ABCA5: variants seen among roughly 807,000 people sequenced by gnomAD.
The protein encoded by ABCA5 is ATP binding cassette subfamily A member 5, also known as cholesterol transporter ABCA5.
In ABCA5, 163 loss-of-function variants were observed where a neutral mutation model predicts 206.0. The ratio of observed to expected loss-of-function variants is 0.79; its 90% CI spans 0.70 to 0.90. ABCA5 has a LOEUF of 0.90. ABCA5 is among the 40% of genes least tolerant of loss of function. The probability of loss-of-function intolerance (pLI) is 0.00; values close to 1 mark genes in which losing one functional copy is unlikely to be tolerated. For synonymous variants in ABCA5, 609 were observed against 613.8 expected (o/e 0.99, Z 0.11); for missense variants, 1,859 against 1,912.9 (o/e 0.97, Z 0.53).
Position 69,306,757 on chromosome 17 carries a change from TA to T in ABCA5, c.755del (p.Leu252Ter). 6.4e-7 allele frequency: 1 copy of T among 1,554,866 alleles called. No individual in the cohort carries two copies. Among genetic ancestry groups the T allele is most frequent in the African/African-American group, 1.4e-5 (1 of 72,304 alleles). ...AEKEKKIKEF[L>X]KIMGLHDTAF... ...CAGTATCATGAAGTCCCATTATCTT[TA>T]AAAATTCTTTTATTTTTTTTTCTTT... On this transcript the variant is annotated frameshift_variant, in exon 6 of 39. Transcript: ENST00000392676. LOFTEE classifies it high-confidence loss of function.
intron 7 of ABCA5, 48 bp from the exon 8 acceptor site, chr17:69,302,954 T>C (rs571486085): frequency 3.0e-6 from 3 of 1,016,420 alleles, no homozygotes; most frequent in South Asian, 3.4e-5. Context: ...TATATACCAG[T>C]ATGAAAACAA....
intron 35 of ABCA5, 54 bp from the exon 36 acceptor site, chr17:69,250,675 T>A: frequency 7.3e-7 from 1 of 1,362,836 alleles, no homozygotes. Context: ...CTTCAAAGAA[T>A]AATCTCTCAC....
chr17:69,299,393 A>C (rs549685765), intron 9 of ABCA5, among the ~76,000 whole-genome samples: 50 of 152,164 alleles, frequency 3.3e-4, no homozygotes, highest in African/African-American at 1.2e-3. Context: ...ATTAATTCAC[A>C]ATTACAAAAA....
chr17:69,297,732 C>T, intron 9 of ABCA5, among the ~76,000 whole-genome samples: 1 of 152,126 alleles, frequency 6.6e-6, no homozygotes, highest in East Asian at 1.9e-4. Flanking sequence ...ATGGCAAGAA[C>T]ACAACACAGG....
intron 7 of ABCA5, among the ~76,000 whole-genome samples, chr17:69,303,829 T>TATATACATACATATATATAC (rs1567778310): frequency 6.9e-5 from 1 of 14,586 alleles, no homozygotes; most frequent in African/African-American, 1.5e-4. Context: ...TATATATGTA[T>TATATACATACATATATATAC]ATATATATAT....
At chr17:69,249,729 AAAAT>A in intron 37 of ABCA5, 172 bp downstream of exon 37, 1 of 779,086 alleles carries the variant, frequency 1.3e-6, no homozygotes. Flanking sequence ...CATAGTTTCT[AAAAT>A]AAACCGAGTC....
In ABCA5 at chr17:69,247,361, T is replaced by C. The variant is rs977380253; in HGVS notation, c.*176A>G. 3.7e-6 allele frequency: 2 copies of C among 535,834 alleles called. No individual in the cohort carries two copies. The highest frequency in any genetic ancestry group is 2.6e-5 in the South Asian group (1 of 39,070). The allele number at this position is 535,834 out of a possible 1,614,324, so 33.2% of individuals were successfully genotyped here. On this transcript the variant is annotated 3_prime_UTR_variant, in exon 39 of 39. Transcript: ENST00000392676. ...GCAGCTTCACTTAATTATACATACGTTTTATTTAAAGAAAAGCAAAACACA... is the reference window on the plus strand; with the variant it reads ...GCAGCTTCACTTAATTATACATACGCTTTATTTAAAGAAAAGCAAAACACA...
intron 2 of ABCA5, 142 bp downstream of exon 2, chr17:69,314,172 C>T (rs1598207385): frequency 2.5e-6 from 1 of 394,320 alleles, no homozygotes; most frequent in East Asian, 4.0e-5. Context: ...CTGTGGCTAA[C>T]ATGGCAAGCT....
In ABCA5 at chr17:69,261,175, T is replaced by C; in HGVS notation, c.3514A>G (p.Ile1172Val). The C allele has an allele frequency of 1.9e-6, 3 of 1,606,306 alleles. No individual in the cohort carries two copies. The highest frequency in any genetic ancestry group is 2.6e-6 in the Non-Finnish European group (3 of 1,175,810). Reference sequence around the variant, plus strand: ...AGAAGTGGATAGATTGGAATGATGATACAAAAGGCATAATGAAGAATAGTT... The same window carrying C: ...AGAAGTGGATAGATTGGAATGATGACACAAAAGGCATAATGAAGAATAGTT... ...IATILHYAFC[I>V]IIPIYPLLGC... is the part of the protein sequence containing the mutation. The change falls in exon 26 of 39, where the codon ATC becomes GTC. Residue 1172 changes from isoleucine (I) to valine (V), a missense_variant. Physicochemically the swap from Ile to Val is conservative, Grantham distance 29. Transcript: ENST00000392676.
chr17:69,281,713 C>T (rs1477695098), intron 18 of ABCA5, among the ~76,000 whole-genome samples: 2 of 152,184 alleles, frequency 1.3e-5, no homozygotes, highest in Non-Finnish European at 2.9e-5. Flanking sequence ...ATTGTTCCCA[C>T]ACAATAAGGC....
At chr17:69,276,383 A>C (rs2075332499) in intron 19 of ABCA5, among the ~76,000 whole-genome samples, 1 of 152,130 alleles carries the variant, frequency 6.6e-6, no homozygotes, top group Admixed American at 6.6e-5. Flanking sequence ...CACCGAGCCC[A>C]GATGGTATTT....
chr17:69,281,108 T>C (rs911318589), intron 18 of ABCA5, among the ~76,000 whole-genome samples: 2 of 151,698 alleles, frequency 1.3e-5, no homozygotes, highest in South Asian at 4.1e-4. Flanking sequence ...ATTTATTTAA[T>C]GGCAAGAATA....
At chr17:69,313,059 T>C in intron 3 of ABCA5, 33 bp downstream of exon 3, 1 of 1,451,374 alleles carries the variant, frequency 6.9e-7, no homozygotes, top group Non-Finnish European at 9.3e-7. Context: ...GGCTTAATAT[T>C]ATAAACAGAA....
chr17:69,265,062 T>C (rs1226786272), intron 23 of ABCA5, among the ~76,000 whole-genome samples, 157 bp from the exon 24 acceptor site: 4 of 152,094 alleles, frequency 2.6e-5, no homozygotes, highest in African/African-American at 9.7e-5. Flanking sequence ...TCACACTAAA[T>C]ACAAATTCCA....
At chr17:69,305,221 AAAC>A (rs796702225) in intron 6 of ABCA5, among the ~76,000 whole-genome samples, 89 of 152,296 alleles carry the variant, frequency 5.8e-4, no homozygotes, top group African/African-American at 2.1e-3. Flanking sequence ...CTGTAACTAT[AAAC>A]AATAAAGGCT....
intron 5 of ABCA5, among the ~76,000 whole-genome samples, chr17:69,307,545 G>T (rs1228779275): frequency 6.6e-6 from 1 of 151,958 alleles, no homozygotes; most frequent in African/African-American, 2.4e-5. Context: ...ATACAAATAG[G>T]TGATACAACA....
intron 18 of ABCA5, among the ~76,000 whole-genome samples, chr17:69,278,803 G>A (rs562652548): frequency 6.6e-6 from 1 of 152,150 alleles, no homozygotes; most frequent in Non-Finnish European, 1.5e-5. Flanking sequence ...TATCTCAACA[G>A]ATGCAGAAAA....
rs1264754875 is a variant in ABCA5 at position 69,264,841 on chromosome 17, G to T, written c.3209C>A (p.Ala1070Asp). The T allele has an allele frequency of 6.3e-7, 1 of 1,598,676 alleles. No homozygotes were observed. The highest frequency in any genetic ancestry group is 8.5e-7 in the Non-Finnish European group (1 of 1,172,826). ...AAAAAATAAGGGGATATCAACAACAGCTTGTCCAATCCAATATGCAGATGG... is the reference window on the plus strand; with the variant it reads ...AAAAAATAAGGGGATATCAACAACATCTTGTCCAATCCAATATGCAGATGG... ...LLPSAYWIGQ[A>D]VVDIPLFFII... The change falls in exon 24 of 39, where the codon GCT becomes GAT. Residue 1070 changes from alanine (A) to aspartate (D), a missense_variant. By Grantham distance (126) the Ala-to-Asp change is moderately radical. Coordinates refer to ENST00000392676, the MANE Select transcript of ABCA5 (RefSeq NM_172232.4).
intron 11 of ABCA5, among the ~76,000 whole-genome samples, chr17:69,293,199 G>C (rs904190483): frequency 6.6e-6 from 1 of 152,004 alleles, no homozygotes; most frequent in African/African-American, 2.4e-5. Flanking sequence ...GCAAGTATGA[G>C]TGTGGGGTTG....
Sources: gnomAD v4.1 joint callset for allele counts (sites outside exome capture counted in the v4.1 genomes callset) on GRCh38, gnomAD v4.1.1 for gene constraint, MANE v1.5 for transcripts, NCBI Gene and HGNC (gene_info 2026-07-23, HGNC 2026-07-21) for gene names.